The following PNISR variants were observed in gnomAD, a reference collection of about 807,000 sequenced individuals.
PNISR encodes arginine/serine-rich protein PNISR.
PNISR carries 20 observed loss-of-function variants against 93.4 expected under a neutral mutation model. That is an observed-to-expected ratio of 0.21 (90% CI 0.15 to 0.31). The LOEUF is 0.31. Ranked by LOEUF, PNISR falls within the 10% of genes least tolerant of loss-of-function variation. The probability of loss-of-function intolerance (pLI) is 1.00; values close to 1 mark genes in which losing one functional copy is unlikely to be tolerated. For synonymous variants in PNISR, 305 were observed against 306.5 expected, an observed-to-expected ratio of 0.99 and a Z score of 0.05; for missense variants, 893 against 985.4, an observed-to-expected ratio of 0.91 and a Z score of 1.25.
At chr6:99,417,968 C>CAA (rs34504221) in intron 1 of PNISR, among the ~76,000 whole-genome samples, 55 of 92,166 alleles carry the variant, frequency 6.0e-4, no homozygotes, top group Non-Finnish European at 7.8e-4. Context: ...AACACCATCT[C>CAA]AAAAAAAAAA....
intron 1 of PNISR, among the ~76,000 whole-genome samples, chr6:99,419,499 C>T (rs1778259286): frequency 6.6e-6 from 1 of 152,094 alleles, no homozygotes; most frequent in Admixed American, 6.6e-5. Flanking sequence ...CAATCTGTCC[C>T]TTTTCTACAA....
rs762964283 is a variant in PNISR, at chr6:99,406,043, T to C, written c.990A>G (p.Lys330=). The stretch of plus-strand genomic sequence containing the variant: ...TTTAACATTCTACCATTTGATACTC[T>C]TTCTCCTCTTCAGTCATCTCAGGGT... ...HSDPEMTEEE[K]EYQMMLLTKM... The change falls in exon 8 of 12, where the codon AAA becomes AAG. Residue 330 remains lysine, a synonymous_variant. Coordinates refer to ENST00000369239, the MANE Select transcript of PNISR (RefSeq NM_032870.4). The C allele has an allele frequency of 1.2e-6, 2 of 1,607,914 alleles. No homozygotes were observed. Among genetic ancestry groups the C allele is most frequent in the Admixed American group, 3.4e-5 (2 of 58,900 alleles).
At chr6:99,414,866 T>C (rs1020128264) in intron 2 of PNISR, 176 bp from the exon 3 acceptor site, 2 of 370,446 alleles carry the variant, frequency 5.4e-6, no homozygotes, top group African/African-American at 4.2e-5. Context: ...GAAAATTTTA[T>C]GTTAATGCTG....
intron 8 of PNISR, among the ~76,000 whole-genome samples, chr6:99,404,951 G>GT (rs1249410860): frequency 6.6e-6 from 1 of 151,906 alleles, no homozygotes; most frequent in Non-Finnish European, 1.5e-5. Flanking sequence ...GCTAATTTTT[G>GT]TATTTTCAGT....
chr6:99,406,815 AG>A (rs1410559891), intron 7 of PNISR, among the ~76,000 whole-genome samples: 2 of 152,184 alleles, frequency 1.3e-5, no homozygotes, highest in East Asian at 3.8e-4. Context: ...CCTTTGTCAG[AG>A]AAGTGTCCCC....
chr6:99,409,562 C>A, intron 5 of PNISR: 1 of 420,044 alleles, frequency 2.4e-6, no homozygotes. Context: ...CTTCTAAAAG[C>A]CAGCTGATAA....
rs866659888 is a variant in PNISR, at chr6:99,414,558, A to G, written c.88+14T>C. ...ATCCAACCCCGCCCTTTCAAATTCAATTTGTTTCCTTACTTGGATCCTGTT... is the reference window on the plus strand; with the variant it reads ...ATCCAACCCCGCCCTTTCAAATTCAGTTTGTTTCCTTACTTGGATCCTGTT... On this transcript the variant is annotated intron_variant, in intron 3 of 11. Coordinates refer to ENST00000369239, the MANE Select transcript of PNISR (RefSeq NM_032870.4). 2.8e-6 allele frequency: 4 copies of G among 1,431,148 alleles called. No homozygotes were observed. Among genetic ancestry groups the G allele is most frequent in the Middle Eastern group, 1.8e-4 (1 of 5,670 alleles). 88.7% of individuals were successfully genotyped at this position (1,431,148 alleles called of 1,614,324 possible).
intron 7 of PNISR, among the ~76,000 whole-genome samples, chr6:99,406,925 C>G (rs540078773): frequency 7.9e-5 from 12 of 152,104 alleles, no homozygotes; most frequent in Non-Finnish European, 1.8e-4. Flanking sequence ...ATATGTAACA[C>G]AATCCCACAG....
At chr6:99,422,992 A>G (rs1434954881) in intron 1 of PNISR, among the ~76,000 whole-genome samples, 1 of 152,102 alleles carries the variant, frequency 6.6e-6, no homozygotes, top group Non-Finnish European at 1.5e-5. Context: ...CCTAGTAGCA[A>G]CAAGCACACC....
chr6:99,418,021 C>T (rs1181880121), intron 1 of PNISR, among the ~76,000 whole-genome samples: 1 of 150,930 alleles, frequency 6.6e-6, no homozygotes, highest in Non-Finnish European at 1.5e-5. Context: ...TGCTCAACTC[C>T]ATTTTCTTTT....
rs1227390930 is a variant in PNISR, at chr6:99,398,119, T to C, written c.*2421A>G. ...AATCTTATAATCACCTCTTTCAAAT[T>C]ACATTTTATTCCCTTAATGGTGTGG... On this transcript the variant is annotated 3_prime_UTR_variant, in exon 12 of 12. Coordinates refer to ENST00000369239, the MANE Select transcript of PNISR (RefSeq NM_032870.4). 4 of 152,172 alleles carry C rather than the reference T, an allele frequency of 2.6e-5. No homozygotes were observed. Among genetic ancestry groups the C allele is most frequent in the African/African-American group, 9.6e-5 (4 of 41,458 alleles). The allele number at this position is 152,172 out of a possible 1,614,324, so 9.4% of individuals were successfully genotyped here.
At position 99,402,393 on chromosome 6, in the gene PNISR, A is replaced by C. The variant is rs1582762955; in HGVS notation, c.1327+147T>G. ...GCAATAAATGGCTCCTAAAACAACC[A>C]AACAAAAATTGTGACTTTAGTTTCA... On this transcript the variant is annotated intron_variant, in intron 11 of 11. Transcript: ENST00000369239. 3 of 582,338 alleles carry C rather than the reference A, an allele frequency of 5.2e-6. No homozygotes were observed. The East Asian group carries it at 9.4e-5, about 18-fold the overall frequency. 36.1% of individuals were successfully genotyped at this position (582,338 alleles called of 1,614,324 possible).
intron 10 of PNISR, chr6:99,403,399 G>A (rs1305321198): frequency 6.6e-6 from 1 of 152,532 alleles, no homozygotes; most frequent in South Asian, 2.1e-4. Flanking sequence ...AACTTGACTT[G>A]CCGCAACACA....
intron 5 of PNISR, 111 bp from the exon 6 acceptor site, chr6:99,409,455 A>G: frequency 1.1e-6 from 1 of 879,450 alleles, no homozygotes; most frequent in South Asian, 1.8e-5. Flanking sequence ...AGCACATCCA[A>G]GAATTCCATG....
At chr6:99,412,382 GAAT>G in intron 4 of PNISR, 166 bp downstream of exon 4, 1 of 703,012 alleles carries the variant, frequency 1.4e-6, no homozygotes, top group Admixed American at 2.0e-5. Flanking sequence ...AATGAGTACA[GAAT>G]AATTTTAACC....
At chr6:99,422,899 A>AAAC (rs58927348) in intron 1 of PNISR, among the ~76,000 whole-genome samples, 1 of 145,502 alleles carries the variant, frequency 6.9e-6, no homozygotes, top group African/African-American at 2.5e-5. Context: ...AAAAAAAAAA[A>AAAC]CTGGAGAATT....
At chr6:99,425,027 T>A (rs998997661) in intron 1 of PNISR, 188 bp downstream of exon 1, 6 of 393,472 alleles carry the variant, frequency 1.5e-5, no homozygotes, top group Non-Finnish European at 2.2e-5. Flanking sequence ...GACATTTCCT[T>A]TTCAGCGAAA....
rs1775379474 is a variant in PNISR, at chr6:99,400,857, C to G, written c.2101G>C (p.Asp701His). The change falls in exon 12 of 12, where the codon GAT becomes CAT. Residue 701 changes from aspartate to histidine, a missense_variant. This residue lies in a region of PNISR where 866 missense variants were observed against 935.1 expected (regional missense o/e 0.93). Transcript: ENST00000369239. Reference sequence around the variant, plus strand: ...TCATCCTGACTACTGAACTTAAAATCTTTTTCTTCCCTTTTTTGTTTCTCT... The same window carrying G: ...TCATCCTGACTACTGAACTTAAAATGTTTTTCTTCCCTTTTTTGTTTCTCT... ...RKEKQKREEK[D>H]FKFSSQDDRL... The G allele has an allele frequency of 6.2e-7, 1 of 1,600,564 alleles. No homozygotes were observed. Among genetic ancestry groups the G allele is most frequent in the Non-Finnish European group, 8.5e-7 (1 of 1,172,458 alleles).
At chr6:99,423,316 T>A (rs1275738301) in intron 1 of PNISR, among the ~76,000 whole-genome samples, 4 of 152,076 alleles carry the variant, frequency 2.6e-5, no homozygotes, top group Non-Finnish European at 5.9e-5. Flanking sequence ...TAAAATAAAC[T>A]AACAAATAAA....
Sources: gnomAD v4.1 joint callset for allele counts (sites outside exome capture counted in the v4.1 genomes callset) on GRCh38, gnomAD v4.1.1 for gene constraint, gnomAD v4.1.1 regional missense constraint, MANE v1.5 for transcripts, NCBI Gene and HGNC (gene_info 2026-07-23, HGNC 2026-07-21) for gene names.